ZNF420: variants seen among roughly 807,000 people sequenced by gnomAD.
ZNF420 encodes zinc finger protein 420, also known as ATM and p53-associated KZNF protein.
A neutral mutation model predicts 44.7 loss-of-function variants in ZNF420; 31 were observed. The ratio of observed to expected loss-of-function variants is 0.69; its 90% CI spans 0.52 to 0.94. The LOEUF (loss-of-function observed/expected upper bound fraction) is 0.94, where lower values mean the gene tolerates loss of function less well. ZNF420 is among the 40% of genes least tolerant of loss of function. ZNF420 has a pLI of 0.00. For missense variants in ZNF420, 681 were observed against 827.9 expected (o/e 0.82, Z 2.18); for synonymous variants, 245 against 267.4 (o/e 0.92, Z 0.82).
At chr19:37,119,490 A>G (rs954200326) in intron 4 of ZNF420, among the ~76,000 whole-genome samples, 1 of 152,218 alleles carries the variant, frequency 6.6e-6, no homozygotes, top group Non-Finnish European at 1.5e-5. Flanking sequence ...AGGGAAATAT[A>G]TAGCACTAAG....
intron 1 of ZNF420, among the ~76,000 whole-genome samples, chr19:37,015,043 C>G (rs1186580543): frequency 6.6e-6 from 1 of 152,258 alleles, no homozygotes; most frequent in Non-Finnish European, 1.5e-5. Context: ...GGGCTGCTCT[C>G]TCCCCGGAGG....
At chr19:37,115,892 A>G (rs1947744522) in intron 4 of ZNF420, among the ~76,000 whole-genome samples, 1 of 152,126 alleles carries the variant, frequency 6.6e-6, no homozygotes, top group Admixed American at 6.5e-5. Flanking sequence ...GTCCCTGGGT[A>G]CTTGAGATTA....
chr19:37,072,504 G>A (rs574784398), intron 1 of ZNF420, among the ~76,000 whole-genome samples: 1 of 152,298 alleles, frequency 6.6e-6, no homozygotes, highest in South Asian at 2.1e-4. Context: ...TAGCCAGATA[G>A]ATTCTTCTAG....
At chr19:37,008,318 G>T (rs1313376861) in intron 1 of ZNF420, among the ~76,000 whole-genome samples, 1 of 152,144 alleles carries the variant, frequency 6.6e-6, no homozygotes, top group Non-Finnish European at 1.5e-5. Context: ...CTCTGTGTGT[G>T]TGTCCGTGTG....
intron 1 of ZNF420, among the ~76,000 whole-genome samples, chr19:37,013,101 T>G (rs567391739): frequency 1.3e-5 from 2 of 152,070 alleles, no homozygotes; most frequent in South Asian, 4.1e-4. Context: ...CCCATCCTGA[T>G]AGGCCTCTTG....
intron 1 of ZNF420, chr19:37,008,200 G>A: frequency 3.2e-6 from 1 of 312,752 alleles, no homozygotes; most frequent in Non-Finnish European, 6.0e-6. Context: ...CGCAGCCTCA[G>A]GAGTTGCCTG....
At chr19:37,059,828 G>A (rs920243903) in intron 1 of ZNF420, among the ~76,000 whole-genome samples, 1 of 151,980 alleles carries the variant, frequency 6.6e-6, no homozygotes, top group Non-Finnish European at 1.5e-5. Context: ...ATCTCTGTGT[G>A]TGTGTGCGTA....
intron 4 of ZNF420, among the ~76,000 whole-genome samples, chr19:37,096,667 A>C (rs11084874): frequency 0.52 from 79,634 of 151,916 alleles, 21,620 homozygotes; most frequent in African/African-American, 0.63. Context: ...TATTTACTCC[A>C]TCTACTTTCT....
intron 4 of ZNF420, among the ~76,000 whole-genome samples, chr19:37,110,087 T>G (rs2146656280): frequency 6.6e-6 from 1 of 152,228 alleles, no homozygotes; most frequent in East Asian, 1.9e-4. Context: ...TAGTTTTAAT[T>G]TTTTCTGGAA....
chr19:37,046,483 A>G (rs943038051), intron 1 of ZNF420, among the ~76,000 whole-genome samples: 4 of 152,330 alleles, frequency 2.6e-5, no homozygotes, highest in African/African-American at 7.2e-5. Flanking sequence ...AATAAATTAT[A>G]CCCTTAAAAA....
chr19:37,015,858 T>C (rs1198086494), intron 1 of ZNF420, among the ~76,000 whole-genome samples: 1 of 152,034 alleles, frequency 6.6e-6, no homozygotes, highest in African/African-American at 2.4e-5. Context: ...CACATGCGAG[T>C]GGGATGGATT....
intron 4 of ZNF420, among the ~76,000 whole-genome samples, chr19:37,094,779 T>C (rs1969342669): frequency 6.6e-6 from 1 of 152,206 alleles, no homozygotes; most frequent in African/African-American, 2.4e-5. Context: ...TTATCAGAAG[T>C]ATACCAGCAA....
chr19:37,099,030 A>C (rs375612997), intron 4 of ZNF420, among the ~76,000 whole-genome samples: 1 of 152,236 alleles, frequency 6.6e-6, no homozygotes. Context: ...TTTATAGGTT[A>C]ATAGTATTCT....
At chr19:37,015,090 G>A (rs760458572) in intron 1 of ZNF420, among the ~76,000 whole-genome samples, 1 of 152,244 alleles carries the variant, frequency 6.6e-6, no homozygotes, top group Non-Finnish European at 1.5e-5. Context: ...GCAGCCTCAG[G>A]AGCTGCCTGG....
chr19:37,054,826 A>G (rs1369023157), intron 1 of ZNF420, among the ~76,000 whole-genome samples: 1 of 152,180 alleles, frequency 6.6e-6, no homozygotes, highest in Non-Finnish European at 1.5e-5. Flanking sequence ...GGATGGACTG[A>G]CTTAGAGGAG....
intron 1 of ZNF420, among the ~76,000 whole-genome samples, chr19:37,010,733 C>T (rs1023084423): frequency 1.3e-5 from 2 of 152,044 alleles, no homozygotes; most frequent in African/African-American, 4.8e-5. Context: ...CTTTGGGTTT[C>T]TAAAGGCCTC....
At chr19:37,087,709 G>T (rs1371006562) in intron 2 of ZNF420, among the ~76,000 whole-genome samples, 1 of 152,116 alleles carries the variant, frequency 6.6e-6, no homozygotes, top group African/African-American at 2.4e-5. Context: ...GCAGTGGCGC[G>T]ATCTCGGCTC....
At chr19:37,093,561 T>G (rs1286109386) in intron 4 of ZNF420, among the ~76,000 whole-genome samples, 1 of 152,068 alleles carries the variant, frequency 6.6e-6, no homozygotes, top group African/African-American at 2.4e-5. Context: ...AAGCTATTCA[T>G]GAGGGATCCA....
intron 4 of ZNF420, among the ~76,000 whole-genome samples, chr19:37,112,952 A>G (rs1425330064): frequency 6.7e-6 from 1 of 150,352 alleles, no homozygotes; most frequent in Non-Finnish European, 1.5e-5. Flanking sequence ...ATAGTACACA[A>G]ATCTACTGCT....
Sources: gnomAD v4.1 joint callset for allele counts (sites outside exome capture counted in the v4.1 genomes callset) on GRCh38, gnomAD v4.1.1 for gene constraint, MANE v1.5 for transcripts, NCBI Gene and HGNC (gene_info 2026-07-23, HGNC 2026-07-21) for gene names.